The following EHBP1 variants were observed in gnomAD, a reference collection of about 807,000 sequenced individuals.
EHBP1 encodes the protein EH domain binding protein 1, also known as EH domain-binding protein 1.
EHBP1 carries 55 observed loss-of-function variants against 144.0 expected under a neutral mutation model. That is an observed-to-expected ratio of 0.38 (90% CI 0.31 to 0.48). The LOEUF (loss-of-function observed/expected upper bound fraction) is 0.48, where lower values mean the gene tolerates loss of function less well. Ranked by LOEUF, EHBP1 falls within the 20% of genes least tolerant of loss-of-function variation. The pLI, the probability that EHBP1 is intolerant of heterozygous loss-of-function variation, is 0.98. For synonymous variants in EHBP1, 469 were observed against 472.7 expected (o/e 0.99, Z 0.10); for missense variants, 1,200 against 1,364.2 (o/e 0.88, Z 1.90).
At chr2:62,975,963 CTG>C (rs988495705) in intron 14 of EHBP1, among the ~76,000 whole-genome samples, 1 of 151,236 alleles carries the variant, frequency 6.6e-6, no homozygotes, top group Non-Finnish European at 1.5e-5. Flanking sequence ...CTGTTATTGA[CTG>C]AGAATATTTT....
At chr2:62,936,454 ATT>A (rs1305152712) in intron 10 of EHBP1, among the ~76,000 whole-genome samples, 1 of 152,072 alleles carries the variant, frequency 6.6e-6, no homozygotes, top group Non-Finnish European at 1.5e-5. Flanking sequence ...TAGGTACTAT[ATT>A]ATTATTTTTG....
At chr2:62,874,558 T>C in intron 10 of EHBP1, 26 bp downstream of exon 10, 1 of 1,505,116 alleles carries the variant, frequency 6.6e-7, no homozygotes, top group Admixed American at 2.2e-5. Flanking sequence ...TAGTAAAACA[T>C]GTATTAATAT....
intron 9 of EHBP1, among the ~76,000 whole-genome samples, chr2:62,872,644 G>A (rs1265151272): frequency 1.3e-5 from 2 of 152,030 alleles, no homozygotes. Flanking sequence ...TTACATGTCA[G>A]TGATTTTTAG....
intron 10 of EHBP1, among the ~76,000 whole-genome samples, chr2:62,897,119 TG>T (rs2053002399): frequency 6.6e-6 from 1 of 152,234 alleles, no homozygotes; most frequent in South Asian, 2.1e-4. Flanking sequence ...TAGCTTCTTG[TG>T]TATTCTCCTC....
At chr2:62,787,987 C>T (rs1401031868) in intron 5 of EHBP1, among the ~76,000 whole-genome samples, 1 of 146,786 alleles carries the variant, frequency 6.8e-6, no homozygotes, top group South Asian at 2.1e-4. Context: ...GGTTTCTTTA[C>T]ATCAAAATAT....
intron 5 of EHBP1, among the ~76,000 whole-genome samples, chr2:62,778,355 A>G (rs2042185844): frequency 6.6e-6 from 1 of 152,072 alleles, no homozygotes; most frequent in Non-Finnish European, 1.5e-5. Flanking sequence ...CATGGGCAAT[A>G]TAATATAGTG....
intron 7 of EHBP1, among the ~76,000 whole-genome samples, chr2:62,848,199 C>T (rs1166441817): frequency 6.6e-6 from 1 of 151,880 alleles, no homozygotes; most frequent in Non-Finnish European, 1.5e-5. Flanking sequence ...CTGCCTCAGC[C>T]TCTTGAGTAG....
intron 10 of EHBP1, among the ~76,000 whole-genome samples, chr2:62,941,083 G>T (rs2056730209): frequency 6.6e-6 from 1 of 151,970 alleles, no homozygotes; most frequent in Non-Finnish European, 1.5e-5. Context: ...AATATAATTT[G>T]ATATAGAAAA....
chr2:62,876,642 G>A (rs899229721), intron 10 of EHBP1, among the ~76,000 whole-genome samples: 6 of 152,172 alleles, frequency 3.9e-5, no homozygotes, highest in Admixed American at 3.9e-4. Context: ...TCTGCAGGCT[G>A]TATAGGAGAC....
At chr2:62,715,828 G>C (rs2035619260) in intron 2 of EHBP1, among the ~76,000 whole-genome samples, 1 of 152,148 alleles carries the variant, frequency 6.6e-6, no homozygotes, top group Admixed American at 6.5e-5. Flanking sequence ...TGCCTACTTA[G>C]ACTTTTTTTG....
intron 15 of EHBP1, among the ~76,000 whole-genome samples, chr2:62,984,954 T>TA (rs1280615158): frequency 1.3e-5 from 2 of 152,046 alleles, no homozygotes; most frequent in Non-Finnish European, 2.9e-5. Context: ...TTTCCAGACT[T>TA]ACCTATTTTT....
chr2:62,749,760 T>C (rs950766293), intron 3 of EHBP1, among the ~76,000 whole-genome samples: 2 of 152,234 alleles, frequency 1.3e-5, no homozygotes, highest in African/African-American at 2.4e-5. Flanking sequence ...TTCATGTGTC[T>C]TTTGGCTGCA....
At chr2:62,843,861 A>T (rs1041802499) in intron 7 of EHBP1, among the ~76,000 whole-genome samples, 1 of 152,198 alleles carries the variant, frequency 6.6e-6, no homozygotes, top group Non-Finnish European at 1.5e-5. Context: ...AAGTATTTTT[A>T]TTTACCAGCA....
intron 5 of EHBP1, among the ~76,000 whole-genome samples, chr2:62,780,410 A>C (rs574053970): frequency 2.1e-4 from 32 of 152,072 alleles, no homozygotes; most frequent in Non-Finnish European, 3.4e-4. Flanking sequence ...CTAAATGAAA[A>C]ATTTTTAGCT....
chr2:62,679,812 ATC>A (rs2033447655), intron 1 of EHBP1, among the ~76,000 whole-genome samples: 1 of 152,246 alleles, frequency 6.6e-6, no homozygotes, highest in African/African-American at 2.4e-5. Context: ...ATCCCAAACC[ATC>A]ACCAACAAGG....
At position 62,831,146 on chromosome 2, in the gene EHBP1, G is replaced by A; in HGVS notation, c.622G>A (p.Ala208Thr). ...ENRVNQEEKA[A>T]KITELINKLN... The stretch of plus-strand genomic sequence containing the variant: ...CAGAGTGAACCAAGAAGAAAAGGCA[G>A]CTAAAATTACAGGTTGGTTTTATTA... Residue 208 changes from alanine to threonine, a missense_variant, in exon 7 of 23, where the codon GCT (alanine) becomes ACT (threonine). Transcript: ENST00000431489. 6.3e-7 allele frequency: 1 copy of A among 1,594,988 alleles called. No homozygotes were observed. The highest frequency in any genetic ancestry group is 1.1e-5 in the South Asian group (1 of 87,278).
Position 63,045,267 on chromosome 2 carries a change from G to T in EHBP1, c.3392+87G>T. The stretch of plus-strand genomic sequence containing the variant: ...GGAAAGTTCAATCCAGAGGTCGCGG[G>T]AGGGCCGGGGCAGCCTCCCACTGGC... On this transcript the variant is annotated intron_variant, in intron 22 of 22. Coordinates refer to ENST00000431489, the MANE Select transcript of EHBP1 (RefSeq NM_001142616.3). The surrounding 1 kb of genome is among the most constrained non-coding windows in gnomAD (Gnocchi z 5.7). 1 of 1,426,300 alleles carries T rather than the reference G, an allele frequency of 7.0e-7. No homozygotes were observed. The highest frequency in any genetic ancestry group is 9.7e-7 in the Non-Finnish European group (1 of 1,035,332). 88.4% of individuals were successfully genotyped at this position (1,426,300 alleles called of 1,614,324 possible).
intron 5 of EHBP1, among the ~76,000 whole-genome samples, chr2:62,818,183 G>A (rs1030901873): frequency 7.9e-6 from 1 of 125,866 alleles, no homozygotes; most frequent in African/African-American, 2.9e-5. Flanking sequence ...TGAGTGAGTG[G>A]TGAGTGTACA....
rs1445397876 is a variant in EHBP1, at chr2:62,942,699, C to A, written c.1186-19C>A. On this transcript the variant is annotated intron_variant, in intron 10 of 22. Transcript: ENST00000431489. ...CCATTAAATTCTTTTAATGTTTTCC[C>A]CTTTTCATTTTTTTCTAGCCAAGCC... 1 of 1,547,334 alleles carries A rather than the reference C, an allele frequency of 6.5e-7. No individual in the cohort carries two copies. The highest frequency in any genetic ancestry group is 1.2e-5 in the South Asian group (1 of 80,608).
Sources: allele counts gnomAD v4.1 joint callset (sites outside exome capture counted in the v4.1 genomes callset), GRCh38; gene constraint gnomAD v4.1.1; non-coding constraint Gnocchi (gnomAD v3.1); transcripts MANE v1.5; gene names NCBI Gene and HGNC (gene_info 2026-07-23, HGNC 2026-07-21).